Variants in RNFT2 observed in about 807,000 individuals in gnomAD.
RNFT2 encodes the protein E3 ubiquitin-protein ligase RNFT2.
A neutral mutation model predicts 53.0 loss-of-function variants in RNFT2; 36 were observed. The observed-to-expected ratio is 0.68, with a 90% CI of 0.52 to 0.90. The LOEUF (loss-of-function observed/expected upper bound fraction) is 0.90. Among genes scored for constraint, RNFT2 ranks in the 40% least tolerant of loss-of-function variants. The probability of loss-of-function intolerance (pLI) is 0.00; values close to 1 mark genes in which losing one functional copy is unlikely to be tolerated. For synonymous variants in RNFT2, 260 were observed against 253.2 expected, an observed-to-expected ratio of 1.03 and a Z score of -0.26; for missense variants, 514 against 585.6, an observed-to-expected ratio of 0.88 and a Z score of 1.26.
intron 7 of RNFT2, among the ~76,000 whole-genome samples, chr12:116,785,174 T>C (rs1253823640): frequency 6.6e-6 from 1 of 151,724 alleles, no homozygotes; most frequent in Non-Finnish European, 1.5e-5. Flanking sequence ...AATGGATCCT[T>C]GAGGCGTCAG....
At chr12:116,821,748 T>TAGC (rs1248087844) in intron 7 of RNFT2, among the ~76,000 whole-genome samples, 1 of 148,840 alleles carries the variant, frequency 6.7e-6, no homozygotes, top group East Asian at 2.1e-4. Context: ...GGCCCTGTGC[T>TAGC]AGCTTGCTAG....
chr12:116,794,925 A>G (rs970633172), intron 7 of RNFT2, among the ~76,000 whole-genome samples: 4 of 152,064 alleles, frequency 2.6e-5, no homozygotes, highest in African/African-American at 9.7e-5. Context: ...GTAAGACATC[A>G]TCGTAACCTT....
intron 5 of RNFT2, among the ~76,000 whole-genome samples, chr12:116,764,678 G>C (rs930776244): frequency 6.6e-6 from 1 of 152,196 alleles, no homozygotes; most frequent in African/African-American, 2.4e-5. Flanking sequence ...GATCACCTGA[G>C]TTCAGCAGTT....
chr12:116,845,905 G>A (rs1439615012), intron 10 of RNFT2, among the ~76,000 whole-genome samples: 2 of 152,194 alleles, frequency 1.3e-5, no homozygotes, highest in Non-Finnish European at 2.9e-5. Context: ...CCTTCAGCCT[G>A]GAATGTTCTA....
intron 3 of RNFT2, among the ~76,000 whole-genome samples, chr12:116,747,391 T>C (rs1871949498): frequency 6.6e-6 from 1 of 152,126 alleles, no homozygotes; most frequent in South Asian, 2.1e-4. Context: ...CTGGAGCCAA[T>C]TGCAGTGGCA....
intron 7 of RNFT2, among the ~76,000 whole-genome samples, chr12:116,795,905 A>ATTTCTT (rs907625624): frequency 6.6e-6 from 1 of 151,484 alleles, no homozygotes; most frequent in Non-Finnish European, 1.5e-5. Flanking sequence ...TCCAGTGGTC[A>ATTTCTT]TTTCTTTTTC....
chr12:116,740,410 C>G lies in RNFT2; in HGVS notation c.-88C>G. ...CTGGAGACGAAGAGGAGGGGGAGGCCTGTCCTCTCTGGGATCCATTGGTCA... is the reference window on the plus strand; with the variant it reads ...CTGGAGACGAAGAGGAGGGGGAGGCGTGTCCTCTCTGGGATCCATTGGTCA... On this transcript the variant is annotated 5_prime_UTR_variant, in exon 2 of 11. Coordinates refer to ENST00000257575, the MANE Select transcript of RNFT2 (RefSeq NM_001382266.1). The G allele has an allele frequency of 7.4e-7, 1 of 1,346,496 alleles. No homozygotes were observed. The highest frequency in any genetic ancestry group is 1.0e-6 in the Non-Finnish European group (1 of 961,742). The allele number at this position is 1,346,496 out of a possible 1,614,324, so 83.4% of individuals were successfully genotyped here.
chr12:116,779,173 A>G (rs774284743), intron 6 of RNFT2, 22 bp from the exon 7 acceptor site: 15 of 1,613,508 alleles, frequency 9.3e-6, no homozygotes, highest in Non-Finnish European at 1.3e-5. Flanking sequence ...GAACCTTCTG[A>G]CTCTCTCAAT....
chr12:116,775,011 A>G (rs1404990487), intron 6 of RNFT2, among the ~76,000 whole-genome samples: 2 of 151,750 alleles, frequency 1.3e-5, no homozygotes, highest in Non-Finnish European at 2.9e-5. Context: ...CCTGTAATCC[A>G]AGCACTTTGG....
intron 6 of RNFT2, among the ~76,000 whole-genome samples, chr12:116,776,102 A>G (rs1873419334): frequency 1.3e-5 from 2 of 152,190 alleles, no homozygotes; most frequent in Admixed American, 6.5e-5. Context: ...AAAACTGACA[A>G]TAAAATATAT....
chr12:116,800,126 C>A (rs528956192), intron 7 of RNFT2, among the ~76,000 whole-genome samples: 1 of 152,198 alleles, frequency 6.6e-6, no homozygotes. Flanking sequence ...TCACCAGAGG[C>A]CGAGCATATG....
intron 6 of RNFT2, among the ~76,000 whole-genome samples, chr12:116,775,189 G>A (rs778190233): frequency 2.0e-5 from 3 of 151,624 alleles, no homozygotes; most frequent in Non-Finnish European, 4.4e-5. Flanking sequence ...GAACCGGGGA[G>A]GTAGAGGTTG....
intron 7 of RNFT2, among the ~76,000 whole-genome samples, chr12:116,825,983 G>GA (rs796356587): frequency 3.1e-4 from 47 of 150,486 alleles, no homozygotes; most frequent in African/African-American, 1.1e-3. Flanking sequence ...TCTTGATACA[G>GA]AAAAAAAAAG....
chr12:116,792,381 A>G (rs1874284391), intron 7 of RNFT2, among the ~76,000 whole-genome samples: 1 of 151,842 alleles, frequency 6.6e-6, no homozygotes, highest in South Asian at 2.1e-4. Flanking sequence ...TTTTGGAGAA[A>G]AGTCCTCCTA....
chr12:116,784,327 G>C (rs560689032), intron 7 of RNFT2, among the ~76,000 whole-genome samples: 6 of 152,306 alleles, frequency 3.9e-5, no homozygotes, highest in African/African-American at 1.4e-4. Flanking sequence ...CAATTCCCCA[G>C]TTCAGCTCTT....
intron 7 of RNFT2, among the ~76,000 whole-genome samples, chr12:116,808,977 C>T (rs999305666): frequency 7.2e-5 from 11 of 152,198 alleles, no homozygotes; most frequent in African/African-American, 2.7e-4. Flanking sequence ...CTGCCATCAG[C>T]CCCTTTTAGG....
intron 5 of RNFT2, among the ~76,000 whole-genome samples, chr12:116,756,700 C>T (rs1872523229): frequency 6.6e-6 from 1 of 152,058 alleles, no homozygotes; most frequent in Non-Finnish European, 1.5e-5. Flanking sequence ...GGTGGATTAT[C>T]TTTTTGGTAA....
intron 7 of RNFT2, among the ~76,000 whole-genome samples, chr12:116,820,952 T>C (rs1036756563): frequency 6.6e-6 from 1 of 152,194 alleles, no homozygotes; most frequent in Non-Finnish European, 1.5e-5. Context: ...TCTCACTTGC[T>C]GGGTCTCCCA....
intron 6 of RNFT2, among the ~76,000 whole-genome samples, chr12:116,775,962 G>T (rs1436447403): frequency 6.6e-6 from 1 of 152,026 alleles, no homozygotes; most frequent in Non-Finnish European, 1.5e-5. Flanking sequence ...AGAATTGCTT[G>T]AAGCCAGGAG....
Sources: allele counts gnomAD v4.1 joint callset (sites outside exome capture counted in the v4.1 genomes callset), GRCh38; gene constraint gnomAD v4.1.1; transcripts MANE v1.5; gene names NCBI Gene and HGNC (gene_info 2026-07-23, HGNC 2026-07-21).